CEP131: variants seen among roughly 807,000 people sequenced by gnomAD.
The protein encoded by CEP131 is centrosomal protein of 131 kDa.
A neutral mutation model predicts 136.8 loss-of-function variants in CEP131; 99 were observed. The observed-to-expected ratio is 0.72, with a 90% CI of 0.62 to 0.86. CEP131 has a LOEUF of 0.86. Ranked by LOEUF, CEP131 falls within the 40% of genes least tolerant of loss-of-function variation. The pLI, the probability that CEP131 is intolerant of heterozygous loss-of-function variation, is 0.00. For synonymous variants in CEP131, 646 were observed against 612.7 expected (o/e 1.05, Z -0.80); for missense variants, 1,459 against 1,463.0 (o/e 1.00, Z 0.04).
intron 18 of CEP131, among the ~76,000 whole-genome samples, chr17:81,193,456 T>A (rs2061686877): frequency 1.3e-5 from 2 of 152,108 alleles, no homozygotes; most frequent in Non-Finnish European, 1.5e-5. Flanking sequence ...CCGCAGATCC[T>A]GACCACCACT....
At chr17:81,220,762 A>C (rs2146771650) in intron 1 of CEP131, among the ~76,000 whole-genome samples, 1 of 151,994 alleles carries the variant, frequency 6.6e-6, no homozygotes, top group East Asian at 2.0e-4. Flanking sequence ...CGGCCTCCCA[A>C]AGTGCTGGGA....
rs758849431 is a variant in CEP131, at chr17:81,220,061, G to T, written c.-5C>A. 1.3e-6 allele frequency: 2 copies of T among 1,569,896 alleles called. No homozygotes were observed. The highest frequency in any genetic ancestry group is 1.7e-6 in the Non-Finnish European group (2 of 1,159,654). Reference sequence around the variant, plus strand: ...GATGGCCCGGGTGCCTTTCATGGTGGACAAGGCAGGTCCTGAGCGGGGAAG... The same window carrying T: ...GATGGCCCGGGTGCCTTTCATGGTGTACAAGGCAGGTCCTGAGCGGGGAAG... On this transcript the variant is annotated 5_prime_UTR_variant, in exon 2 of 26. Coordinates refer to ENST00000450824, the MANE Select transcript of CEP131 (RefSeq NM_014984.4).
At chr17:81,201,290 C>G (rs1598290792) in intron 7 of CEP131, among the ~76,000 whole-genome samples, 1 of 152,210 alleles carries the variant, frequency 6.6e-6, no homozygotes, top group African/African-American at 2.4e-5. Context: ...CTAGCCCTAA[C>G]TGGGCGGTAG....
At chr17:81,201,340 C>T (rs1266363097) in intron 7 of CEP131, among the ~76,000 whole-genome samples, 1 of 152,180 alleles carries the variant, frequency 6.6e-6, no homozygotes, top group Admixed American at 6.5e-5. Context: ...TCCGAAAGTC[C>T]AGGCAGGGAG....
In CEP131 at chr17:81,200,346, G is replaced by A. The variant is rs1182713167; in HGVS notation, c.889C>T (p.Leu297Phe). Residue 297 changes from leucine (L) to phenylalanine (F), a missense_variant, in exon 8 of 26, where the codon CTT (leucine) becomes TTT (phenylalanine). By Grantham distance (22) the Leu-to-Phe change is conservative. This residue lies in a region of CEP131 where 246 missense variants were observed against 318.9 expected (regional missense o/e 0.77). Transcript: ENST00000450824. Reference sequence around the variant, plus strand: ...ACACTGACCTCCCGCTTGGCCTGAAGCAAGTGCTCCAGGCGGGCAGCTCCT... The same window carrying A: ...ACACTGACCTCCCGCTTGGCCTGAAACAAGTGCTCCAGGCGGGCAGCTCCT... ...GAGAARLEHLLQAKREEQRQR... is the reference protein window; with the variant it reads ...GAGAARLEHLFQAKREEQRQR... The A allele has an allele frequency of 6.3e-7, 1 of 1,598,924 alleles. No individual in the cohort carries two copies. Among genetic ancestry groups the A allele is most frequent in the Admixed American group, 1.7e-5 (1 of 58,466 alleles).
Position 81,219,734 on chromosome 17 carries a change from C to G in CEP131, c.177+146G>C, listed in dbSNP as rs1477705147. On this transcript the variant is annotated intron_variant, in intron 2 of 25. Transcript: ENST00000450824. This position sits in a 1 kb window ranked among gnomAD's most constrained non-coding sequence, Gnocchi z 4.0. ...CACGCCTGTAAGACTCAAGTCCTAC[C>G]TGCCTCCTGGAACAGCCACGAGGAT... is the stretch of plus-strand genomic sequence containing the variant. 4.8e-6 allele frequency: 4 copies of G among 835,472 alleles called. No individual in the cohort carries two copies. Among genetic ancestry groups the G allele is most frequent in the Non-Finnish European group, 7.0e-6 (4 of 574,380 alleles). The allele number at this position is 835,472 out of a possible 1,614,324, so 51.8% of individuals were successfully genotyped here. A position where few individuals can be genotyped will look rare whatever the true frequency, so the allele number is the denominator to read the frequency against.
At position 81,219,898 on chromosome 17, in the gene CEP131, C is replaced by T; in HGVS notation, c.159G>A (p.Glu53=). 1 of 1,608,348 alleles carries T rather than the reference C, an allele frequency of 6.2e-7. No homozygotes were observed. Among genetic ancestry groups the T allele is most frequent in the Non-Finnish European group, 8.5e-7 (1 of 1,177,402 alleles). Reference sequence around the variant, plus strand: ...TACTCACCAGCACCTTCCTCTTCTGCTCGCTGCCTGTGACCACGGAGACAG... The same window carrying T: ...TACTCACCAGCACCTTCCTCTTCTGTTCGCTGCCTGTGACCACGGAGACAG... ...VRSVSVVTGS[E]QKRKVLEATG... is the part of the protein sequence containing the mutation. Residue 53 remains glutamate (E), a synonymous_variant, in exon 2 of 26, where the codon GAG becomes GAA. Coordinates refer to ENST00000450824, the MANE Select transcript of CEP131 (RefSeq NM_014984.4). This position sits in a 1 kb window ranked among gnomAD's most constrained non-coding sequence, Gnocchi z 4.0.
intron 13 of CEP131, 75 bp from the exon 14 acceptor site, chr17:81,197,130 G>A (rs1346467883): frequency 6.6e-7 from 1 of 1,509,402 alleles, no homozygotes; most frequent in Non-Finnish European, 8.9e-7. Flanking sequence ...CGATGCCCCT[G>A]CGGCCCTGCC....
rs531955598 is a variant in CEP131 at position 81,218,800 on chromosome 17, G to A, written c.177+1080C>T. 3.9e-5 allele frequency among the ~76,000 whole-genome samples: 6 copies of A among 152,360 alleles called. No individual in the cohort carries two copies. The East Asian group carries it at 9.7e-4, about 25-fold the overall frequency. ...AGGAATAACTTTTTCAAGGAGAAGG[G>A]GGAGGTCCAAGCCTTTTATTCACAG... On this transcript the variant is annotated intron_variant, in intron 2 of 25. Coordinates refer to ENST00000450824, the MANE Select transcript of CEP131 (RefSeq NM_014984.4).
chr17:81,192,980 G>A (rs940465591), intron 18 of CEP131, 137 bp from the exon 19 acceptor site: 23 of 1,380,738 alleles, frequency 1.7e-5, no homozygotes, highest in Middle Eastern at 2.6e-4. Context: ...CCTCCCCCTC[G>A]GCAGTCAAGG....
chr17:81,202,566 C>A (rs940065676), intron 6 of CEP131, among the ~76,000 whole-genome samples, 168 bp from the exon 7 acceptor site: 1 of 152,214 alleles, frequency 6.6e-6, no homozygotes, highest in African/African-American at 2.4e-5. Context: ...GCCGGCTCTC[C>A]CGTGCCACAT....
intron 17 of CEP131, among the ~76,000 whole-genome samples, chr17:81,194,467 C>T (rs916334594): frequency 2.4e-4 from 36 of 152,184 alleles, no homozygotes; most frequent in African/African-American, 8.2e-4. Flanking sequence ...CCCTTCAGAC[C>T]ACAACACCCA....
chr17:81,201,840 G>A (rs1471052214), intron 7 of CEP131, among the ~76,000 whole-genome samples: 6 of 152,256 alleles, frequency 3.9e-5, no homozygotes, highest in East Asian at 3.9e-4. Context: ...GGTGGCTCAC[G>A]CCTGTAATCC....
At chr17:81,216,118 G>A (rs996368720) in intron 2 of CEP131, among the ~76,000 whole-genome samples, 3 of 152,082 alleles carry the variant, frequency 2.0e-5, no homozygotes, top group East Asian at 1.9e-4. Flanking sequence ...CCAGCACTTC[G>A]GGAGGCTGAG....
intron 7 of CEP131, 61 bp downstream of exon 7, chr17:81,202,179 A>C: frequency 1.4e-5 from 5 of 347,084 alleles, no homozygotes; most frequent in East Asian, 1.0e-4. Context: ...CCAGACCCTG[A>C]TGCCTGCCCA....
At position 81,197,705 on chromosome 17, in the gene CEP131, G is replaced by A; in HGVS notation, c.1647+7C>T. The A allele has an allele frequency of 1.9e-6, 3 of 1,606,204 alleles. No individual in the cohort carries two copies. Among genetic ancestry groups the A allele is most frequent in the Non-Finnish European group, 2.6e-6 (3 of 1,175,898 alleles). On this transcript the variant is annotated splice_region_variant and intron_variant, in intron 13 of 25. Transcript: ENST00000450824. The stretch of plus-strand genomic sequence containing the variant: ...TGGGGGCCGGGTGCGGGCTGGTGAG[G>A]GGCCACCTCCTGCTGGGAGTCCAGC...
At chr17:81,191,451 C>G in intron 21 of CEP131, 116 bp from the exon 22 acceptor site, 1 of 950,584 alleles carries the variant, frequency 1.1e-6, no homozygotes, top group Non-Finnish European at 1.6e-6. Context: ...AGCAAGGGGC[C>G]TTCCCCCTCT....
chr17:81,196,266 G>A (rs1216432611), intron 15 of CEP131, among the ~76,000 whole-genome samples: 1 of 152,222 alleles, frequency 6.6e-6, no homozygotes, highest in Non-Finnish European at 1.5e-5. Context: ...ACCCAGCCCT[G>A]GAGGAGGCTC....
At chr17:81,198,048 C>T (rs1388810866) in intron 12 of CEP131, 67 bp downstream of exon 12, 1 of 1,489,778 alleles carries the variant, frequency 6.7e-7, no homozygotes, top group Non-Finnish European at 8.9e-7. Context: ...CCCCCACAGC[C>T]ACCGCATGCT....
Sources: gnomAD v4.1 joint callset for allele counts (sites outside exome capture counted in the v4.1 genomes callset) on GRCh38, gnomAD v4.1.1 for gene constraint, gnomAD v4.1.1 regional missense constraint, Gnocchi (gnomAD v3.1) non-coding constraint, MANE v1.5 for transcripts, NCBI Gene and HGNC (gene_info 2026-07-23, HGNC 2026-07-21) for gene names.